Variants in UGT1A10 observed in about 807,000 individuals in gnomAD.
UGT1A10 encodes the protein UDP-glucuronosyltransferase 1A10.
In UGT1A10, 49 loss-of-function variants were observed where a neutral mutation model predicts 45.8. The observed-to-expected ratio is 1.07, with a 90% CI of 0.85 to 1.36. The LOEUF (loss-of-function observed/expected upper bound fraction) is 1.36, where lower values mean the gene tolerates loss of function less well. Among genes scored for constraint, UGT1A10 ranks in the 40% most tolerant of loss-of-function variants. The pLI is 0.00. For synonymous variants in UGT1A10, 284 were observed against 249.7 expected (o/e 1.14, Z -1.29); for missense variants, 745 against 668.6 (o/e 1.11, Z -1.26).
intron 1 of UGT1A10, chr2:233,729,382 C>T (rs775388472): frequency 6.2e-7 from 1 of 1,613,960 alleles, no homozygotes; most frequent in South Asian, 1.1e-5. Context: ...TTCGTGGACC[C>T]AGGATGAATT....
chr2:233,687,706 C>G (rs2074858956), intron 1 of UGT1A10, among the ~76,000 whole-genome samples: 1 of 151,774 alleles, frequency 6.6e-6, no homozygotes, highest in African/African-American at 2.4e-5. Flanking sequence ...AGTTTGAGAC[C>G]AGCCTGGACA....
At chr2:233,743,234 A>C (rs17863796) in intron 1 of UGT1A10, 5,154 of 418,520 alleles carry the variant, frequency 0.012, 81 homozygotes, top group South Asian at 0.038. Flanking sequence ...ATTTATTATG[A>C]AGGACTTTAA....
At position 233,637,363 on chromosome 2, in the gene UGT1A10, A is replaced by T. The variant is rs1310820672; in HGVS notation, c.841A>T (p.Lys281Ter). 6.2e-7 allele frequency: 1 copy of T among 1,613,236 alleles called. No homozygotes were observed. Among genetic ancestry groups the T allele is most frequent in the East Asian group, 2.2e-5 (1 of 44,892 alleles). ...TGGTGGTATCAACTGTCATCAGGGA[A>T]AGCCATTGCCTATGGTAAGTCACCT... ...FIGGINCHQG[K>*]PLPMEFEAYI... Residue 281 changes from lysine to a stop codon, truncating the protein, a stop_gained, in exon 1 of 5, where the codon AAG (lysine) becomes TAG (stop). Transcript: ENST00000344644. LOFTEE classifies it high-confidence loss of function.
In UGT1A10 at chr2:233,682,200, G is replaced by A. The variant is rs2074562710; in HGVS notation, c.855+44823G>A. 2.5e-6 allele frequency: 4 copies of A among 1,614,060 alleles called. No individual in the cohort carries two copies. In the African/African-American group the frequency reaches 4.0e-5, roughly 16 times the overall value. Reference sequence around the variant, plus strand: ...TCATACACTCTGGAGGATCAGGACCGGGAGTTCATGGTTTTTGCCGATGCT... The same window carrying A: ...TCATACACTCTGGAGGATCAGGACCAGGAGTTCATGGTTTTTGCCGATGCT... On this transcript the variant is annotated intron_variant, in intron 1 of 4. Transcript: ENST00000344644.
At chr2:233,647,883 A>G in intron 1 of UGT1A10, 3 of 1,481,108 alleles carry the variant, frequency 2.0e-6, no homozygotes, top group South Asian at 1.2e-5. Flanking sequence ...TATTTCATTG[A>G]TTTCTACACT....
At chr2:233,693,986 G>C in intron 1 of UGT1A10, 11 of 1,543,072 alleles carry the variant, frequency 7.1e-6, no homozygotes, top group Non-Finnish European at 9.6e-6. Context: ...GTGGGGGGAA[G>C]TGATACCCGG....
At chr2:233,656,031 T>A (rs1262769336) in intron 1 of UGT1A10, among the ~76,000 whole-genome samples, 2 of 152,180 alleles carry the variant, frequency 1.3e-5, no homozygotes, top group East Asian at 3.9e-4. Flanking sequence ...CTCTGGCAAA[T>A]ACCAGAGACA....
intron 1 of UGT1A10, chr2:233,760,629 G>A: frequency 6.2e-7 from 1 of 1,614,104 alleles, no homozygotes; most frequent in East Asian, 2.2e-5. Context: ...AAACATACAA[G>A]AAAATAAAAA....
At chr2:233,672,798 T>A in intron 1 of UGT1A10, 1 of 1,612,458 alleles carries the variant, frequency 6.2e-7, no homozygotes, top group East Asian at 2.2e-5. Context: ...TGGTAAGTTA[T>A]CTCTCCTTTA....
chr2:233,640,463 C>T (rs868068335), intron 1 of UGT1A10, among the ~76,000 whole-genome samples: 6 of 152,096 alleles, frequency 3.9e-5, no homozygotes, highest in African/African-American at 1.2e-4. Flanking sequence ...AATAATAATA[C>T]TTTAATATTA....
chr2:233,729,036 T>C, intron 1 of UGT1A10: 1 of 1,603,088 alleles, frequency 6.2e-7, no homozygotes, highest in African/African-American at 1.3e-5. Flanking sequence ...ATTTGCTAAG[T>C]GGCTCAGTGA....
chr2:233,665,167 T>C (rs1341858947), intron 1 of UGT1A10, among the ~76,000 whole-genome samples: 2 of 152,216 alleles, frequency 1.3e-5, no homozygotes, highest in Non-Finnish European at 2.9e-5. Flanking sequence ...TGCCAATAAA[T>C]TATAGACATC....
At chr2:233,643,557 G>T (rs1181054290) in intron 1 of UGT1A10, among the ~76,000 whole-genome samples, 3 of 151,968 alleles carry the variant, frequency 2.0e-5, no homozygotes, top group Non-Finnish European at 4.4e-5. Context: ...CAGCAGTGTT[G>T]GTACCTAAGT....
chr2:233,680,465 C>T (rs1200139949), intron 1 of UGT1A10, among the ~76,000 whole-genome samples: 1 of 152,090 alleles, frequency 6.6e-6, no homozygotes, highest in Non-Finnish European at 1.5e-5. Flanking sequence ...ATGTCTAGTA[C>T]CAGTTAGGGT....
At position 233,767,094 on chromosome 2, in the gene UGT1A10, T is replaced by C; in HGVS notation, c.916T>C (p.Ser306Pro). The change falls in exon 2 of 5, where the codon TCA (serine) becomes CCA (proline). Residue 306 changes from serine (S) to proline (P), a missense_variant. Ser to Pro is a moderately conservative substitution (Grantham distance 74). Transcript: ENST00000344644. ...EHGIVVFSLG[S>P]MVSEIPEKKA... is the part of the protein sequence containing the mutation. The stretch of plus-strand genomic sequence containing the variant: ...TGGAATTGTGGTTTTCTCTTTGGGA[T>C]CAATGGTCTCAGAAATTCCAGAGAA... The C allele has an allele frequency of 1.2e-6, 2 of 1,614,120 alleles. No individual in the cohort carries two copies. The highest frequency in any genetic ancestry group is 1.7e-6 in the Non-Finnish European group (2 of 1,180,014).
intron 1 of UGT1A10, among the ~76,000 whole-genome samples, chr2:233,649,413 AT>A (rs1298775776): frequency 6.6e-6 from 1 of 152,220 alleles, no homozygotes; most frequent in African/African-American, 2.4e-5. Context: ...TGAAAATTTC[AT>A]TTTTAACTAA....
intron 1 of UGT1A10, among the ~76,000 whole-genome samples, chr2:233,722,626 G>A (rs1272001840): frequency 6.6e-6 from 1 of 152,128 alleles, no homozygotes; most frequent in African/African-American, 2.4e-5. Context: ...TCTTAATGAA[G>A]CATTGAGGGC....
chr2:233,672,218 A>T (rs1248602298), intron 1 of UGT1A10: 5 of 1,614,098 alleles, frequency 3.1e-6, no homozygotes, highest in Non-Finnish European at 3.4e-6. Flanking sequence ...GCTTTTGCCC[A>T]TGCTCAATGG....
intron 1 of UGT1A10, among the ~76,000 whole-genome samples, chr2:233,746,470 A>C (rs1310621579): frequency 6.6e-6 from 1 of 151,764 alleles, no homozygotes; most frequent in Non-Finnish European, 1.5e-5. Context: ...AGGGTTCCAG[A>C]AACACTTTCC....
Sources: allele counts gnomAD v4.1 joint callset (sites outside exome capture counted in the v4.1 genomes callset), GRCh38; gene constraint gnomAD v4.1.1; transcripts MANE v1.5; gene names NCBI Gene and HGNC (gene_info 2026-07-23, HGNC 2026-07-21).